Variants in PACS1 observed in about 807,000 individuals in gnomAD.
PACS1 encodes PACS-1.
In PACS1, 24 loss-of-function variants were observed where a neutral mutation model predicts 115.0. The ratio of observed to expected loss-of-function variants is 0.21; its 90% CI spans 0.15 to 0.29. The LOEUF (loss-of-function observed/expected upper bound fraction) is 0.29. PACS1 is among the 10% of genes least tolerant of loss of function. The pLI is 1.00. For synonymous variants in PACS1, 453 were observed against 504.5 expected (o/e 0.90, Z 1.37); for missense variants, 838 against 1,251.2 (o/e 0.67, Z 4.98).
intron 1 of PACS1, among the ~76,000 whole-genome samples, chr11:66,182,951 G>T (rs916625053): frequency 6.6e-6 from 1 of 152,146 alleles, no homozygotes; most frequent in African/African-American, 2.4e-5. Context: ...GCAACATGGT[G>T]AAACCTCGTC....
rs115947278 is a variant in PACS1 at position 66,233,915 on chromosome 11, A to C, written c.1969A>C (p.Met657Leu). 1,125 of 1,581,874 alleles carry C rather than the reference A, an allele frequency of 7.1e-4. 6 individuals carry two copies. The African/African-American group carries it at 0.013, about 19-fold the overall frequency. The change falls in exon 16 of 24, where the codon ATG becomes CTG. Residue 657 changes from methionine (M) to leucine (L), a missense_variant. This residue lies in a region of PACS1 where 383 missense variants were observed against 537.0 expected (regional missense o/e 0.71). Transcript: ENST00000320580. This position sits in a 1 kb window ranked among gnomAD's most constrained non-coding sequence, Gnocchi z 4.5. ...CAAGACCTCCGACTGGCTTGGCTAC[A>C]TGCGCTTCCTCATCATCCCCCTCGG... is the stretch of plus-strand genomic sequence containing the variant. ...ANKTSDWLGY[M>L]RFLIIPLGSH...
chr11:66,239,104 C>T (rs1855759501), intron 20 of PACS1, 38 bp from the exon 21 acceptor site: 2 of 1,613,912 alleles, frequency 1.2e-6, no homozygotes, highest in African/African-American at 1.3e-5. Context: ...GAGATAGCTT[C>T]CTCTGGCCAA....
chr11:66,096,502 A>AT (rs200631152), intron 1 of PACS1, among the ~76,000 whole-genome samples: 4,621 of 136,872 alleles, frequency 0.034, 267 homozygotes, highest in African/African-American at 0.11. Context: ...GTTGCTATGA[A>AT]TTTTTTTTTT....
intron 10 of PACS1, 106 bp downstream of exon 10, chr11:66,221,353 A>G: frequency 1.0e-6 from 1 of 990,556 alleles, no homozygotes; most frequent in Non-Finnish European, 1.6e-6. Context: ...GACCTTAGAA[A>G]AGTGGCCCCA....
In PACS1 at chr11:66,209,345, T is replaced by C. The variant is rs145653332; in HGVS notation, c.445-1017T>C. 3.3e-3 allele frequency among the ~76,000 whole-genome samples: 501 copies of C among 152,054 alleles called. 11 individuals are homozygous for C. The highest frequency in any genetic ancestry group is 0.026 in the Admixed American group (404 of 15,256). On this transcript the variant is annotated intron_variant, in intron 2 of 23. Coordinates refer to ENST00000320580, the MANE Select transcript of PACS1 (RefSeq NM_018026.4). ...CCAACATGGCAGTAAGAGGGCTGTC[T>C]AACCCAAATATTAGGTTTGGAGAGC...
At chr11:66,210,129 C>T (rs999728006) in intron 2 of PACS1, among the ~76,000 whole-genome samples, 2 of 151,902 alleles carry the variant, frequency 1.3e-5, no homozygotes, top group Admixed American at 1.3e-4. Context: ...CTCCTGGGCT[C>T]AAGTGATCCT....
At chr11:66,164,016 G>A (rs936721855) in intron 1 of PACS1, among the ~76,000 whole-genome samples, 1 of 152,208 alleles carries the variant, frequency 6.6e-6, no homozygotes, top group African/African-American at 2.4e-5. Context: ...AAGACTGTCA[G>A]AAGCTGAACT....
intron 2 of PACS1, among the ~76,000 whole-genome samples, chr11:66,199,106 G>A (rs1854715027): frequency 6.6e-6 from 1 of 152,136 alleles, no homozygotes; most frequent in Admixed American, 6.5e-5. Context: ...ATGAGGTCAG[G>A]AGATCGAGAC....
chr11:66,096,395 TTC>T (rs1857782448), intron 1 of PACS1, among the ~76,000 whole-genome samples: 1 of 151,820 alleles, frequency 6.6e-6, no homozygotes, highest in Non-Finnish European at 1.5e-5. Flanking sequence ...TCTTTTTTAT[TTC>T]CAAGTATTTC....
At chr11:66,200,714 A>G (rs879042392) in intron 2 of PACS1, among the ~76,000 whole-genome samples, 3 of 152,176 alleles carry the variant, frequency 2.0e-5, no homozygotes, top group Admixed American at 1.3e-4. Flanking sequence ...AGAGACTTTA[A>G]CACCCCACTT....
intron 2 of PACS1, among the ~76,000 whole-genome samples, chr11:66,195,906 A>G (rs770042720): frequency 6.6e-6 from 1 of 152,196 alleles, no homozygotes; most frequent in African/African-American, 2.4e-5. Flanking sequence ...GGAGGCCACA[A>G]CTATTTTCAT....
In PACS1 at chr11:66,233,113, A is replaced by ACC. The variant is rs761108252; in HGVS notation, c.1838+48_1838+49dup. ...CTCCTGCCCTTAGAGATTCCCTCTG[A>ACC]CCTCATCTTCCAACCCTGACTTCTA... On this transcript the variant is annotated intron_variant, in intron 15 of 23. Coordinates refer to ENST00000320580, the MANE Select transcript of PACS1 (RefSeq NM_018026.4). This position sits in a 1 kb window ranked among gnomAD's most constrained non-coding sequence, Gnocchi z 4.5. 8 of 1,387,698 alleles carry ACC rather than the reference A, an allele frequency of 5.8e-6. No individual in the cohort carries two copies. The highest frequency in any genetic ancestry group is 2.8e-5 in the African/African-American group (2 of 70,626). The allele number at this position is 1,387,698 out of a possible 1,614,324, so 86.0% of individuals were successfully genotyped here.
chr11:66,083,210 A>T (rs1388677920), intron 1 of PACS1, among the ~76,000 whole-genome samples: 7 of 152,220 alleles, frequency 4.6e-5, no homozygotes, highest in Non-Finnish European at 1.0e-4. Context: ...GTCCTCTGGG[A>T]ACATAAAAAC....
At position 66,243,409 on chromosome 11, in the gene PACS1, A is replaced by G. The variant is rs1191301122; in HGVS notation, c.*129A>G. 1.5e-6 allele frequency: 1 copy of G among 654,396 alleles called. No individual in the cohort carries two copies. The allele number at this position is 654,396 out of a possible 1,614,324, so 40.5% of individuals were successfully genotyped here. A position where few individuals can be genotyped will look rare whatever the true frequency, so the allele number is the denominator to read the frequency against. Reference sequence around the variant, plus strand: ...ACCAGGGTCTGCCTCTCACTCGCCCAGGTCCCGAAGGACACTGCCACAGGG... The same window carrying G: ...ACCAGGGTCTGCCTCTCACTCGCCCGGGTCCCGAAGGACACTGCCACAGGG... On this transcript the variant is annotated 3_prime_UTR_variant, in exon 24 of 24. Coordinates refer to ENST00000320580, the MANE Select transcript of PACS1 (RefSeq NM_018026.4).
At chr11:66,123,843 CTT>C (rs112896728) in intron 1 of PACS1, among the ~76,000 whole-genome samples, 2 of 146,134 alleles carry the variant, frequency 1.4e-5, no homozygotes, top group African/African-American at 2.5e-5. Context: ...AAAGTATATA[CTT>C]TTTTTTTTTT....
At chr11:66,106,124 G>T (rs1858033196) in intron 1 of PACS1, among the ~76,000 whole-genome samples, 1 of 152,104 alleles carries the variant, frequency 6.6e-6, no homozygotes, top group Non-Finnish European at 1.5e-5. Flanking sequence ...TTCACTTTCA[G>T]CCTGCCTTTA....
At chr11:66,238,876 G>A in intron 20 of PACS1, 30 bp downstream of exon 20, 1 of 1,554,690 alleles carries the variant, frequency 6.4e-7, no homozygotes, top group Non-Finnish European at 8.7e-7. Context: ...GTTCTGTGGA[G>A]TGAGGCTGGT....
At chr11:66,110,248 C>A (rs577269665) in intron 1 of PACS1, among the ~76,000 whole-genome samples, 1 of 152,064 alleles carries the variant, frequency 6.6e-6, no homozygotes, top group East Asian at 1.9e-4. Flanking sequence ...GCTTCATGAC[C>A]CTTTGATAAA....
chr11:66,090,422 G>A (rs553734699), intron 1 of PACS1, among the ~76,000 whole-genome samples: 48 of 151,900 alleles, frequency 3.2e-4, no homozygotes, highest in Non-Finnish European at 6.6e-4. Context: ...ACAGGCCCGT[G>A]CTGCCACACC....
Sources: allele counts gnomAD v4.1 joint callset (sites outside exome capture counted in the v4.1 genomes callset), GRCh38; gene constraint gnomAD v4.1.1; regional missense constraint gnomAD v4.1.1; non-coding constraint Gnocchi (gnomAD v3.1); transcripts MANE v1.5; gene names NCBI Gene and HGNC (gene_info 2026-07-23, HGNC 2026-07-21).